LOXL2: variants seen among roughly 807,000 people sequenced by gnomAD.
LOXL2 encodes the protein lysyl oxidase like 2, also known as lysyl oxidase homolog 2.
A neutral mutation model predicts 93.0 loss-of-function variants in LOXL2; 70 were observed. That is an observed-to-expected ratio of 0.75 (90% CI 0.62 to 0.92). The LOEUF is 0.92. Ranked by LOEUF, LOXL2 falls within the 40% of genes least tolerant of loss-of-function variation. The probability of loss-of-function intolerance (pLI) is 0.00; values close to 1 mark genes in which losing one functional copy is unlikely to be tolerated. For synonymous variants in LOXL2, 438 were observed against 413.2 expected, an observed-to-expected ratio of 1.06 and a Z score of -0.73; for missense variants, 973 against 1,054.9, an observed-to-expected ratio of 0.92 and a Z score of 1.08.
rs796248585 is a variant in LOXL2, at chr8:23,332,913, C to CCCCCA, written c.966+487_966+488insTGGGG. Among the ~76,000 whole-genome samples, 5 of 149,202 alleles carry CCCCCA rather than the reference C, an allele frequency of 3.4e-5. No individual in the cohort carries two copies. The East Asian group carries it at 8.4e-4, about 25-fold the overall frequency. ...ACACCCCCATACACATACACCCCCC[C>CCCCCA]CACAGAGGGGGGGTGTTTCACATAA... On this transcript the variant is annotated intron_variant, in intron 5 of 13. Coordinates refer to ENST00000389131, the MANE Select transcript of LOXL2 (RefSeq NM_002318.3).
In LOXL2 at chr8:23,302,712, A is replaced by C. The variant is rs529404929; in HGVS notation, c.1997-549T>G. 5.3e-5 allele frequency among the ~76,000 whole-genome samples: 8 copies of C among 152,288 alleles called. No homozygotes were observed. The East Asian group carries it at 1.5e-3, about 29-fold the overall frequency. On this transcript the variant is annotated intron_variant, in intron 11 of 13. Coordinates refer to ENST00000389131, the MANE Select transcript of LOXL2 (RefSeq NM_002318.3). Reference sequence around the variant, plus strand: ...AGCTGCCATGCCTGGACACTGCTGTAAACAGTGGGTCTAGCAAGAAGAACT... The same window carrying C: ...AGCTGCCATGCCTGGACACTGCTGTCAACAGTGGGTCTAGCAAGAAGAACT...
At chr8:23,302,467 C>T (rs910796557) in intron 11 of LOXL2, among the ~76,000 whole-genome samples, 2 of 151,990 alleles carry the variant, frequency 1.3e-5, no homozygotes, top group African/African-American at 2.4e-5. Flanking sequence ...GTGTGTGGAC[C>T]GAGGAAATCT....
intron 12 of LOXL2, among the ~76,000 whole-genome samples, chr8:23,299,548 A>T (rs1424776097): frequency 6.6e-6 from 1 of 152,110 alleles, no homozygotes. Flanking sequence ...GCATCCCCCC[A>T]GCTACAGCAG....
intron 3 of LOXL2, among the ~76,000 whole-genome samples, chr8:23,355,252 G>C (rs945744519): frequency 1.3e-4 from 19 of 151,838 alleles, no homozygotes; most frequent in Middle Eastern, 3.4e-3. Flanking sequence ...GCCGGGAGTT[G>C]GGATACATTC....
intron 1 of LOXL2, chr8:23,385,677 C>G (rs1563208829): frequency 1.0e-5 from 5 of 494,784 alleles, no homozygotes; most frequent in Non-Finnish European, 1.8e-5. Flanking sequence ...GTATTTCATC[C>G]TCTCGTCTGG....
chr8:23,304,536 A>G (rs1803196961), intron 10 of LOXL2, among the ~76,000 whole-genome samples: 1 of 152,204 alleles, frequency 6.6e-6, no homozygotes, highest in Non-Finnish European at 1.5e-5. Flanking sequence ...GTGCCAAGTC[A>G]TGGGAGCAGA....
intron 10 of LOXL2, among the ~76,000 whole-genome samples, chr8:23,306,696 C>T (rs1803234444): frequency 6.6e-6 from 1 of 152,274 alleles, no homozygotes; most frequent in Admixed American, 6.5e-5. Flanking sequence ...TGAGCTGGAG[C>T]CCACACGCCC....
chr8:23,355,091 C>T (rs1156883479), intron 3 of LOXL2, among the ~76,000 whole-genome samples: 2 of 150,924 alleles, frequency 1.3e-5, no homozygotes, highest in African/African-American at 2.4e-5. Context: ...GGATTACAGG[C>T]GTCTGCCACC....
chr8:23,320,615 C>G (rs4503108), intron 7 of LOXL2, among the ~76,000 whole-genome samples: 2 of 152,060 alleles, frequency 1.3e-5, no homozygotes, highest in African/African-American at 4.8e-5. Context: ...ACAACTTTAT[C>G]TTAAAAAAGA....
chr8:23,300,000 C>T (rs566361450), intron 12 of LOXL2, among the ~76,000 whole-genome samples: 6 of 152,338 alleles, frequency 3.9e-5, no homozygotes, highest in South Asian at 4.1e-4. Flanking sequence ...TGCCCTGCTC[C>T]GGGGCGGCTT....
At chr8:23,332,648 CACGCTCAT>C (rs1310564960) in intron 5 of LOXL2, among the ~76,000 whole-genome samples, 1 of 112,022 alleles carries the variant, frequency 8.9e-6, no homozygotes, top group East Asian at 3.1e-4. Context: ...CCCACACTCA[CACGCTCAT>C]ACACCCCCCC....
chr8:23,323,497 G>T (rs4641073), intron 6 of LOXL2, among the ~76,000 whole-genome samples: 6 of 151,968 alleles, frequency 3.9e-5, no homozygotes, highest in Non-Finnish European at 7.4e-5. Flanking sequence ...GGTGCAGCTT[G>T]AAAGACCTCC....
chr8:23,371,708 C>T (rs376287581), intron 1 of LOXL2, among the ~76,000 whole-genome samples: 1 of 124,430 alleles, frequency 8.0e-6, no homozygotes, highest in Non-Finnish European at 1.6e-5. Context: ...GCCGAGGTCA[C>T]GCCACTGCAC....
At chr8:23,332,913 C>G (rs1391574978) in intron 5 of LOXL2, among the ~76,000 whole-genome samples, 9 of 149,090 alleles carry the variant, frequency 6.0e-5, no homozygotes, top group African/African-American at 9.9e-5. Flanking sequence ...TACACCCCCC[C>G]CACAGAGGGG....
intron 4 of LOXL2, chr8:23,337,413 G>A (rs1300147632): frequency 2.0e-5 from 3 of 152,216 alleles, no homozygotes; most frequent in Non-Finnish European, 4.4e-5. Flanking sequence ...AAGGTGAAAG[G>A]CATGTCTTCA....
chr8:23,396,534 A>G (rs377743513), intron 1 of LOXL2, among the ~76,000 whole-genome samples: 1 of 152,164 alleles, frequency 6.6e-6, no homozygotes, highest in African/African-American at 2.4e-5. Flanking sequence ...GAATGATCCT[A>G]GTGGTGATAC....
chr8:23,378,289 G>A (rs1449732645), intron 1 of LOXL2, among the ~76,000 whole-genome samples: 2 of 152,196 alleles, frequency 1.3e-5, no homozygotes, highest in African/African-American at 4.8e-5. Flanking sequence ...CTGGTTTGTA[G>A]AGTTTCTGCT....
chr8:23,319,976 C>A lies in LOXL2; in HGVS notation c.1379G>T (p.Trp460Leu), dbSNP rs368809564. ...VLVERNGSLV[W>L]GMVCGQNWGI... ...CCAGTTTTGGCCACACACCATCCCCCACACAAGGGACCCGTTTCTCTCCAC... is the reference window on the plus strand; with the variant it reads ...CCAGTTTTGGCCACACACCATCCCCAACACAAGGGACCCGTTTCTCTCCAC... Residue 460 changes from tryptophan to leucine, a missense_variant, in exon 8 of 14, where the codon TGG (tryptophan) becomes TTG (leucine). Coordinates refer to ENST00000389131, the MANE Select transcript of LOXL2 (RefSeq NM_002318.3). The A allele has an allele frequency of 2.8e-5, 45 of 1,613,986 alleles. No homozygotes were observed. Among genetic ancestry groups the A allele is most frequent in the Non-Finnish European group, 3.8e-5 (45 of 1,179,978 alleles).
rs780687773 is a variant in LOXL2 at position 23,303,413 on chromosome 8, G to A, written c.1881-16C>T. On this transcript the variant is annotated splice_polypyrimidine_tract_variant and intron_variant, in intron 10 of 13. Transcript: ENST00000389131. Reference sequence around the variant, plus strand: ...GTGGTAGTGCCTGGAGCGAGAGAGAGATGGCCTGGAGGTCAGTTTCTGGAG... The same window carrying A: ...GTGGTAGTGCCTGGAGCGAGAGAGAAATGGCCTGGAGGTCAGTTTCTGGAG... The A allele has an allele frequency of 1.4e-6, 2 of 1,474,684 alleles. No homozygotes were observed. The highest frequency in any genetic ancestry group is 1.9e-6 in the Non-Finnish European group (2 of 1,054,140). 91.3% of individuals were successfully genotyped at this position (1,474,684 alleles called of 1,614,324 possible). A position where few individuals can be genotyped will look rare whatever the true frequency, so the allele number is the denominator to read the frequency against.
Sources: gnomAD v4.1 joint callset for allele counts (sites outside exome capture counted in the v4.1 genomes callset) on GRCh38, gnomAD v4.1.1 for gene constraint, MANE v1.5 for transcripts, NCBI Gene and HGNC (gene_info 2026-07-23, HGNC 2026-07-21) for gene names.